The following ELF1 variants were observed in gnomAD, a reference collection of about 807,000 sequenced individuals.
ELF1 encodes ETS-related transcription factor Elf-1.
ELF1 carries 24 observed loss-of-function variants against 59.9 expected under a neutral mutation model. The ratio of observed to expected loss-of-function variants is 0.40; its 90% CI spans 0.29 to 0.56. The LOEUF is 0.56. ELF1 is among the 20% of genes least tolerant of loss of function. The pLI is 0.44. For missense variants in ELF1, 627 were observed against 742.2 expected, an observed-to-expected ratio of 0.84 and a Z score of 1.80; for synonymous variants, 248 against 266.2, an observed-to-expected ratio of 0.93 and a Z score of 0.67.
intron 1 of ELF1, among the ~76,000 whole-genome samples, chr13:41,016,147 C>A (rs561179026): frequency 2.0e-5 from 3 of 152,200 alleles, no homozygotes; most frequent in African/African-American, 7.2e-5. Context: ...CACTTGTTAA[C>A]AAGCCCTGTT....
rs576786632 is a variant in ELF1, at chr13:40,998,731, C to A, written c.-228-16449G>T. Among the ~76,000 whole-genome samples the A allele has an allele frequency of 5.3e-4, 81 of 152,216 alleles. 1 individual carries two copies. In the South Asian group the frequency reaches 0.016, roughly 30 times the overall value. On this transcript the variant is annotated intron_variant, in intron 1 of 8. Coordinates refer to ENST00000239882, the MANE Select transcript of ELF1 (RefSeq NM_172373.4). ...CAATCAATTTTTAAATCAGTTGAAT[C>A]CATTTCAGTTACTATTAACTAAAGT...
At chr13:40,976,675 G>A (rs895145650) in intron 2 of ELF1, among the ~76,000 whole-genome samples, 11 of 152,174 alleles carry the variant, frequency 7.2e-5, no homozygotes, top group African/African-American at 2.7e-4. Context: ...CTGAATAGCT[G>A]GGATTACAGG....
At position 41,060,956 on chromosome 13, in the gene ELF1, C is replaced by G. The variant is rs996579274; in HGVS notation, c.-347G>C. On this transcript the variant is annotated 5_prime_UTR_variant, in exon 1 of 2. Coordinates refer to the ELF1 transcript ENST00000405737. ...CCGCCGCCGCCGCCGCTGCTGCTGC[C>G]CACACGCTCCCGAGCTAGGGAACAA... 1.7e-5 allele frequency: 6 copies of G among 352,042 alleles called. 1 individual carries two copies. The highest frequency in any genetic ancestry group is 8.9e-5 in the African/African-American group (4 of 45,086). 21.8% of individuals were successfully genotyped at this position (352,042 alleles called of 1,614,324 possible). A position where few individuals can be genotyped will look rare whatever the true frequency, so the allele number is the denominator to read the frequency against.
chr13:40,955,933 C>T (rs1333150319), intron 3 of ELF1, among the ~76,000 whole-genome samples: 3 of 113,830 alleles, frequency 2.6e-5, no homozygotes, highest in African/African-American at 7.2e-5. Flanking sequence ...CCAGCCGCCC[C>T]GTCCGGGAGG....
chr13:40,954,434 CACGG>C (rs1160701340), intron 3 of ELF1, among the ~76,000 whole-genome samples: 7 of 42,254 alleles, frequency 1.7e-4, no homozygotes, highest in Admixed American at 1.2e-3. Flanking sequence ...TCCCTCTCCC[CACGG>C]TCTCCCTCTC....
intron 2 of ELF1, among the ~76,000 whole-genome samples, chr13:40,975,203 A>G (rs914575219): frequency 6.6e-6 from 1 of 152,238 alleles, no homozygotes; most frequent in African/African-American, 2.4e-5. Context: ...TAAGTTACAC[A>G]TTAAACACTA....
chr13:40,954,910 TC>T (rs1359658282), intron 3 of ELF1, among the ~76,000 whole-genome samples: 1 of 118,052 alleles, frequency 8.5e-6, no homozygotes, highest in Non-Finnish European at 1.8e-5. Flanking sequence ...TGGCGGCCCA[TC>T]GTCTGGGATG....
At chr13:40,978,554 GC>G (rs1203769060) in intron 2 of ELF1, among the ~76,000 whole-genome samples, 2 of 151,682 alleles carry the variant, frequency 1.3e-5, no homozygotes, top group African/African-American at 4.8e-5. Context: ...TTTCTATAGC[GC>G]ACAAGATATC....
chr13:40,991,938 G>T (rs1269734583), intron 1 of ELF1, among the ~76,000 whole-genome samples: 1 of 152,084 alleles, frequency 6.6e-6, no homozygotes, highest in African/African-American at 2.4e-5. Context: ...CAATAACATT[G>T]ATATAGTGTT....
upstream of ELF1, among the ~76,000 whole-genome samples, chr13:41,019,604 T>C (rs757829852): frequency 1.3e-5 from 2 of 152,140 alleles, no homozygotes; most frequent in African/African-American, 2.4e-5. Context: ...TTTTAAAATA[T>C]AAAAATCTCA....
chr13:40,992,664 A>G (rs923243043), intron 1 of ELF1: 1 of 172,150 alleles, frequency 5.8e-6, no homozygotes, highest in African/African-American at 2.4e-5. Context: ...TCATAGGAAT[A>G]AAATCAATTC....
At chr13:41,057,886 GCT>G (rs1166463652) in intron 1 of ELF1, among the ~76,000 whole-genome samples, 2 of 152,186 alleles carry the variant, frequency 1.3e-5, no homozygotes, top group Non-Finnish European at 2.9e-5. Context: ...GTAGTGAGCA[GCT>G]CTGTCTTCGA....
At chr13:41,018,725 T>A (rs2138388732) in intron 1 of ELF1, among the ~76,000 whole-genome samples, 1 of 151,804 alleles carries the variant, frequency 6.6e-6, no homozygotes, top group Non-Finnish European at 1.5e-5. Flanking sequence ...GAGAAAAAAA[T>A]AAATAAATAA....
At chr13:40,952,534 A>T (rs1184203434) in intron 3 of ELF1, among the ~76,000 whole-genome samples, 1 of 151,466 alleles carries the variant, frequency 6.6e-6, no homozygotes. Context: ...GCTAATTTTT[A>T]AAATTTTTTT....
chr13:40,959,165 T>C, intron 2 of ELF1, 149 bp from the exon 3 acceptor site: 1 of 1,226,938 alleles, frequency 8.2e-7, no homozygotes, highest in Non-Finnish European at 1.1e-6. Context: ...AGGCATTAGG[T>C]AATTTGTATC....
At chr13:41,056,510 G>A (rs945021176) in intron 1 of ELF1, among the ~76,000 whole-genome samples, 1 of 152,174 alleles carries the variant, frequency 6.6e-6, no homozygotes, top group African/African-American at 2.4e-5. Context: ...GGAAATACTG[G>A]ATCATATGGT....
intron 1 of ELF1, among the ~76,000 whole-genome samples, chr13:41,009,295 G>A (rs1874921850): frequency 6.7e-6 from 1 of 149,948 alleles, no homozygotes; most frequent in Non-Finnish European, 1.5e-5. Flanking sequence ...AAAAAAAAAA[G>A]TATAAGGTTT....
intron 2 of ELF1, among the ~76,000 whole-genome samples, chr13:40,968,721 C>CTTTTTTTTTTTTTTTTTT (rs35089615): frequency 7.3e-6 from 1 of 137,378 alleles, no homozygotes; most frequent in African/African-American, 2.7e-5. Context: ...TTTCTATATT[C>CTTTTTTTTTTTTTTTTTT]TTTTTTTTTT....
At chr13:40,949,165 T>C (rs993679822) in intron 5 of ELF1, among the ~76,000 whole-genome samples, 1 of 151,928 alleles carries the variant, frequency 6.6e-6, no homozygotes, top group Admixed American at 6.6e-5. Flanking sequence ...TTCATATTTT[T>C]AGTAGAGACG....
Sources: allele counts gnomAD v4.1 joint callset (sites outside exome capture counted in the v4.1 genomes callset), GRCh38; gene constraint gnomAD v4.1.1; transcripts MANE v1.5; gene names NCBI Gene and HGNC (gene_info 2026-07-23, HGNC 2026-07-21).